The following CYP39A1 variants were observed in gnomAD, a reference collection of about 807,000 sequenced individuals.
CYP39A1 encodes the protein cytochrome P450 family 39 subfamily A member 1.
CYP39A1 carries 49 observed loss-of-function variants against 58.1 expected under a neutral mutation model. That is an observed-to-expected ratio of 0.84 (90% CI 0.67 to 1.07). The LOEUF (loss-of-function observed/expected upper bound fraction) is 1.07. Ranked by LOEUF, CYP39A1 falls within the 50% of genes least tolerant of loss-of-function variation. The pLI is 0.00. For synonymous variants in CYP39A1, 209 were observed against 187.6 expected (o/e 1.11, Z -0.93); for missense variants, 531 against 539.4 (o/e 0.98, Z 0.16).
intron 10 of CYP39A1, among the ~76,000 whole-genome samples, chr6:46,556,611 A>G (rs1277898394): frequency 6.6e-6 from 1 of 152,192 alleles, no homozygotes; most frequent in African/African-American, 2.4e-5. Context: ...ATTGTACAGC[A>G]CATGGACCAT....
At chr6:46,650,111 T>TACACACACACACACAC (rs3085603) in intron 1 of CYP39A1, among the ~76,000 whole-genome samples, 6,952 of 146,838 alleles carry the variant, frequency 0.047, 219 homozygotes, top group Admixed American at 0.098. Context: ...TTACTACATT[T>TACACACACACACACAC]ACACACACAC....
intron 5 of CYP39A1, 101 bp from the exon 6 acceptor site, chr6:46,631,171 A>G (rs1295736786): frequency 2.2e-6 from 2 of 922,206 alleles, no homozygotes; most frequent in Admixed American, 2.0e-5. Flanking sequence ...GAAAGATATC[A>G]TTTCTGCCAT....
chr6:46,564,607 G>A (rs553454714), intron 10 of CYP39A1, among the ~76,000 whole-genome samples: 2 of 152,296 alleles, frequency 1.3e-5, no homozygotes, highest in South Asian at 2.1e-4. Context: ...GATAGAAGGA[G>A]AGAGAGTACT....
intron 7 of CYP39A1, among the ~76,000 whole-genome samples, chr6:46,602,745 G>C (rs925612766): frequency 3.6e-5 from 5 of 139,746 alleles, no homozygotes; most frequent in African/African-American, 1.3e-4. Flanking sequence ...AGAGGTAGAA[G>C]ACATCCTTGG....
chr6:46,596,360 T>A (rs752255971), intron 7 of CYP39A1, among the ~76,000 whole-genome samples: 27 of 152,100 alleles, frequency 1.8e-4, no homozygotes, highest in Non-Finnish European at 3.2e-4. Context: ...TGTGATGGAT[T>A]GGTATCCAAC....
At chr6:46,585,224 T>TAC (rs1345478896) in intron 10 of CYP39A1, among the ~76,000 whole-genome samples, 1 of 152,150 alleles carries the variant, frequency 6.6e-6, no homozygotes, top group African/African-American at 2.4e-5. Context: ...CATTGGCCCA[T>TAC]ACTACACACT....
chr6:46,558,515 C>T (rs578020482), intron 10 of CYP39A1, among the ~76,000 whole-genome samples: 19 of 152,240 alleles, frequency 1.2e-4, no homozygotes, highest in African/African-American at 4.6e-4. Flanking sequence ...TCCTACCAGG[C>T]CCCTCCTCCT....
At chr6:46,623,615 T>C (rs1204939220) in intron 7 of CYP39A1, among the ~76,000 whole-genome samples, 2 of 152,156 alleles carry the variant, frequency 1.3e-5, no homozygotes, top group African/African-American at 4.8e-5. Context: ...ATAATAAATG[T>C]CTTTTGAGTT....
Position 46,637,930 on chromosome 6 carries a change from C to A in CYP39A1, c.537G>T (p.Leu179Phe), listed in dbSNP as rs1422898490. 6.2e-7 allele frequency: 1 copy of A among 1,612,800 alleles called. No individual in the cohort carries two copies. Among genetic ancestry groups the A allele is most frequent in the African/African-American group, 1.3e-5 (1 of 74,782 alleles). The change falls in exon 4 of 12, where the codon TTG becomes TTT. Residue 179 changes from leucine to phenylalanine, a missense_variant. Coordinates refer to ENST00000275016, the MANE Select transcript of CYP39A1 (RefSeq NM_016593.5). Reference protein sequence around the residue: ...VTVNMLFNKSLFSTNKKKIKE... With the variant: ...VTVNMLFNKSFFSTNKKKIKE... ...TGATTTTTTTCTTGTTTGTGGAAAA[C>A]AAACTTTTATTAAAGAGCATATTCA...
At chr6:46,558,035 T>G (rs2150480344) in intron 10 of CYP39A1, among the ~76,000 whole-genome samples, 1 of 143,964 alleles carries the variant, frequency 6.9e-6, no homozygotes, top group South Asian at 2.2e-4. Context: ...ATTAAAAAAA[T>G]TAAGTAGCCA....
chr6:46,636,257 CA>C, intron 5 of CYP39A1, 131 bp downstream of exon 5: 1 of 605,938 alleles, frequency 1.7e-6, no homozygotes, highest in Non-Finnish European at 2.9e-6. Context: ...TAATGTATCT[CA>C]ACATGTCCAG....
intron 8 of CYP39A1, 103 bp downstream of exon 8, chr6:46,595,884 A>G: frequency 9.1e-7 from 1 of 1,100,160 alleles, no homozygotes; most frequent in Middle Eastern, 2.1e-4. Context: ...TTATTTGTCA[A>G]GTAAAAATAA....
At chr6:46,577,422 A>T (rs1471721307) in intron 10 of CYP39A1, among the ~76,000 whole-genome samples, 2 of 152,178 alleles carry the variant, frequency 1.3e-5, no homozygotes, top group East Asian at 3.9e-4. Flanking sequence ...AAATCTTCAC[A>T]TACTGATATT....
chr6:46,600,315 G>A (rs1773412967), intron 7 of CYP39A1, among the ~76,000 whole-genome samples: 1 of 151,742 alleles, frequency 6.6e-6, no homozygotes, highest in East Asian at 1.9e-4. Flanking sequence ...GAGATGGGGT[G>A]TTGCCATGTT....
intron 10 of CYP39A1, among the ~76,000 whole-genome samples, chr6:46,573,487 T>C (rs1320855748): frequency 6.6e-6 from 1 of 152,166 alleles, no homozygotes; most frequent in African/African-American, 2.4e-5. Flanking sequence ...GTGTCAAAGA[T>C]TGCTGTGGTC....
At position 46,636,470 on chromosome 6, in the gene CYP39A1, T is replaced by G. The variant is rs747911951; in HGVS notation, c.651A>C (p.Lys217Asn). Reference protein sequence around the residue: ...LPECLLRNWSKSKKWFLELFE... With the variant: ...LPECLLRNWSNSKKWFLELFE... ...ACAGTTCCAGGAACCACTTTTTGGA[T>G]TTTGACCAGTTTCTACATGAGAAAA... The change falls in exon 5 of 12, where the codon AAA becomes AAC. Residue 217 changes from lysine to asparagine, a missense_variant. Transcript: ENST00000275016. 2 of 1,605,732 alleles carry G rather than the reference T, an allele frequency of 1.2e-6. No individual in the cohort carries two copies. Among genetic ancestry groups the G allele is most frequent in the African/African-American group, 2.7e-5 (2 of 74,576 alleles).
intron 3 of CYP39A1, among the ~76,000 whole-genome samples, chr6:46,639,221 T>A (rs1361168145): frequency 6.6e-6 from 1 of 152,206 alleles, no homozygotes; most frequent in African/African-American, 2.4e-5. Context: ...TGACTAAGGA[T>A]AAATTACTGC....
In CYP39A1 at chr6:46,569,898, G is replaced by A. The variant is rs561349267; in HGVS notation, c.1251-16044C>T. ...AATGCTTTGTAAAATGGGTTTGGAA[G>A]TGTTCTCTCTTCAATTTTTTCTAAG... On this transcript the variant is annotated intron_variant, in intron 10 of 11. Transcript: ENST00000275016. 1.6e-3 allele frequency among the ~76,000 whole-genome samples: 245 copies of A among 152,178 alleles called. 1 individual carries two copies. The highest frequency in any genetic ancestry group is 8.6e-3 in the Admixed American group (132 of 15,270).
intron 10 of CYP39A1, among the ~76,000 whole-genome samples, chr6:46,582,765 C>T (rs1321527948): frequency 1.3e-5 from 2 of 151,680 alleles, no homozygotes; most frequent in African/African-American, 2.4e-5. Flanking sequence ...GAGTCTTTGA[C>T]TCTTCCCAGT....
Sources: gnomAD v4.1 joint callset for allele counts (sites outside exome capture counted in the v4.1 genomes callset) on GRCh38, gnomAD v4.1.1 for gene constraint, MANE v1.5 for transcripts, NCBI Gene and HGNC (gene_info 2026-07-23, HGNC 2026-07-21) for gene names.